Variants in PDIA5 observed in about 807,000 individuals in gnomAD.
The protein encoded by PDIA5 is protein disulfide isomerase family A member 5.
In PDIA5, 58 loss-of-function variants were observed where a neutral mutation model predicts 77.6. That is an observed-to-expected ratio of 0.75 (90% CI 0.61 to 0.93). PDIA5 has a LOEUF of 0.93. PDIA5 is among the 40% of genes least tolerant of loss of function. The pLI is 0.00. For missense variants in PDIA5, 630 were observed against 647.7 expected (o/e 0.97, Z 0.30); for synonymous variants, 250 against 252.1 (o/e 0.99, Z 0.08).
intron 10 of PDIA5, among the ~76,000 whole-genome samples, chr3:123,128,002 G>A (rs1935283030): frequency 6.6e-6 from 1 of 152,130 alleles, no homozygotes; most frequent in Non-Finnish European, 1.5e-5. Context: ...TCAGTGTTTT[G>A]GGTTCAGACT....
chr3:123,125,083 C>T (rs753788637), intron 10 of PDIA5, among the ~76,000 whole-genome samples: 1 of 152,208 alleles, frequency 6.6e-6, no homozygotes. Context: ...ATTCCCACTT[C>T]TCACCAGCAC....
chr3:123,112,242 C>T (rs1321204205), intron 7 of PDIA5, among the ~76,000 whole-genome samples: 1 of 152,184 alleles, frequency 6.6e-6, no homozygotes, highest in Admixed American at 6.5e-5. Flanking sequence ...TCCCTGAAGG[C>T]TGAGCAACAG....
chr3:123,075,171 C>T (rs1490233424), intron 1 of PDIA5, among the ~76,000 whole-genome samples: 1 of 152,170 alleles, frequency 6.6e-6, no homozygotes, highest in Non-Finnish European at 1.5e-5. Context: ...TGCTCAATAC[C>T]TATTTGTATG....
intron 8 of PDIA5, 47 bp from the exon 9 acceptor site, chr3:123,124,019 G>GC (rs748838453): frequency 8.2e-7 from 1 of 1,214,032 alleles, no homozygotes. Context: ...ACTAGAGGGT[G>GC]TCTGTGGGGC....
In PDIA5 at chr3:123,150,301, G is replaced by A. The variant is rs200503511; in HGVS notation, c.1210G>A (p.Gly404Arg). 3.7e-5 allele frequency: 60 copies of A among 1,613,670 alleles called. No homozygotes were observed. In the Admixed American group the frequency reaches 4.0e-4, roughly 11 times the overall value. The change falls in exon 14 of 17, where the codon GGG becomes AGG. Residue 404 changes from glycine (G) to arginine (R), a missense_variant. Physicochemically the swap from Gly to Arg is moderately radical, Grantham distance 125. Transcript: ENST00000316218. ...GCAGACAAGCGTGTTGCACCTGGTG[G>A]GGGACAACTTCCGGGAGACCCTGAA... ...EQQTSVLHLV[G>R]DNFRETLKKK...
intron 14 of PDIA5, among the ~76,000 whole-genome samples, chr3:123,151,115 G>A (rs903239122): frequency 2.6e-5 from 4 of 152,106 alleles, no homozygotes; most frequent in African/African-American, 4.8e-5. Flanking sequence ...TGGCTCCCCC[G>A]TCCCCACCTT....
chr3:123,071,491 T>A (rs1198974509), intron 1 of PDIA5, among the ~76,000 whole-genome samples: 1 of 152,226 alleles, frequency 6.6e-6, no homozygotes, highest in Non-Finnish European at 1.5e-5. Context: ...CGATTATATA[T>A]TTAATAGGCT....
At chr3:123,160,528 C>T (rs1028661224) in intron 15 of PDIA5, among the ~76,000 whole-genome samples, 2 of 152,188 alleles carry the variant, frequency 1.3e-5, no homozygotes, top group Admixed American at 6.5e-5. Flanking sequence ...TCATACAGAG[C>T]GCCTTTGCCC....
intron 15 of PDIA5, among the ~76,000 whole-genome samples, chr3:123,160,774 G>C (rs1362494101): frequency 6.6e-6 from 1 of 152,078 alleles, no homozygotes; most frequent in Non-Finnish European, 1.5e-5. Flanking sequence ...ACAATATCCT[G>C]ATAGCCTAGA....
Position 123,150,250 on chromosome 3 carries a change from C to A in PDIA5, c.1159C>A (p.Pro387Thr), listed in dbSNP as rs144782969. The A allele has an allele frequency of 6.2e-7, 1 of 1,612,570 alleles. No homozygotes were observed. ...TTCTTGCAGCCCTGAGGCCCCCCCG[C>A]CCCCAGAGCCCACGTGGGAAGAGCA... is the stretch of plus-strand genomic sequence containing the variant. ...EWMQNPEAPPPPEPTWEEQQT... is the reference protein window; with the variant it reads ...EWMQNPEAPPTPEPTWEEQQT... Residue 387 changes from proline to threonine, a missense_variant, in exon 14 of 17, where the codon CCC (proline) becomes ACC (threonine). Pro to Thr is a conservative substitution (Grantham distance 38). Coordinates refer to ENST00000316218, the MANE Select transcript of PDIA5 (RefSeq NM_006810.4).
rs1934456247 is a variant in PDIA5, at chr3:123,096,869, C to T, written c.257+4427C>T. 2.6e-5 allele frequency among the ~76,000 whole-genome samples: 4 copies of T among 152,184 alleles called. No individual in the cohort carries two copies. In the South Asian group the frequency reaches 6.2e-4, roughly 24 times the overall value. ...GCTGGGCGCTGGGGCTCGGGCTTGG[C>T]GTGGAGTGCTGCTGTCTGGGAAGCT... is the stretch of plus-strand genomic sequence containing the variant. On this transcript the variant is annotated intron_variant, in intron 3 of 16. Transcript: ENST00000316218.
At chr3:123,147,922 G>A (rs1935806305) in intron 13 of PDIA5, among the ~76,000 whole-genome samples, 1 of 152,204 alleles carries the variant, frequency 6.6e-6, no homozygotes, top group Admixed American at 6.5e-5. Context: ...GGAATCCAGA[G>A]TGTCGATCAT....
At chr3:123,075,711 T>C (rs1355214404) in intron 1 of PDIA5, among the ~76,000 whole-genome samples, 2 of 151,856 alleles carry the variant, frequency 1.3e-5, no homozygotes, top group African/African-American at 2.4e-5. Context: ...AAAAGATGGG[T>C]CAGTGATGGA....
At chr3:123,116,595 G>A (rs1935002884) in intron 8 of PDIA5, among the ~76,000 whole-genome samples, 1 of 152,244 alleles carries the variant, frequency 6.6e-6, no homozygotes, top group South Asian at 2.1e-4. Flanking sequence ...GACCAAGGTC[G>A]GAACATCGTG....
chr3:123,154,035 G>T (rs145372572), intron 14 of PDIA5, among the ~76,000 whole-genome samples: 1 of 152,128 alleles, frequency 6.6e-6, no homozygotes, highest in African/African-American at 2.4e-5. Context: ...TGAGAGAGGA[G>T]GGGGGTTTGG....
chr3:123,090,902 C>T (rs1427640939), intron 2 of PDIA5, among the ~76,000 whole-genome samples: 1 of 152,182 alleles, frequency 6.6e-6, no homozygotes, highest in Admixed American at 6.5e-5. Context: ...TTCCTGCCTC[C>T]TTGCCTAGGC....
chr3:123,154,920 C>A (rs539320855), intron 14 of PDIA5, 51 bp from the exon 15 acceptor site: 1 of 1,242,124 alleles, frequency 8.1e-7, no homozygotes, highest in Non-Finnish European at 1.2e-6. Flanking sequence ...GCCCTGCAGC[C>A]TCCCTGCACA....
intron 13 of PDIA5, among the ~76,000 whole-genome samples, 178 bp downstream of exon 13, chr3:123,146,437 G>C (rs1223153544): frequency 6.6e-6 from 1 of 152,222 alleles, no homozygotes; most frequent in African/African-American, 2.4e-5. Context: ...CACGTGTCTT[G>C]ATCAGGTCAC....
chr3:123,148,406 G>A (rs61276059), intron 13 of PDIA5, among the ~76,000 whole-genome samples: 96 of 151,916 alleles, frequency 6.3e-4, no homozygotes, highest in African/African-American at 2.2e-3. Flanking sequence ...CACCTCTACC[G>A]AAAATCAAAA....
Sources: gnomAD v4.1 joint callset for allele counts (sites outside exome capture counted in the v4.1 genomes callset) on GRCh38, gnomAD v4.1.1 for gene constraint, MANE v1.5 for transcripts, NCBI Gene and HGNC (gene_info 2026-07-23, HGNC 2026-07-21) for gene names.